CFAP54: variants seen among roughly 807,000 people sequenced by gnomAD.
CFAP54 encodes the protein cilia- and flagella-associated protein 54.
A neutral mutation model predicts 370.4 loss-of-function variants in CFAP54; 290 were observed. That is an observed-to-expected ratio of 0.78 (90% CI 0.71 to 0.86). The LOEUF (loss-of-function observed/expected upper bound fraction) is 0.86. Ranked by LOEUF, CFAP54 falls within the 40% of genes least tolerant of loss-of-function variation. The pLI, the probability that CFAP54 is intolerant of heterozygous loss-of-function variation, is 0.00. For synonymous variants in CFAP54, 1,206 were observed against 1,236.5 expected (o/e 0.98, Z 0.52); for missense variants, 3,399 against 3,528.7 (o/e 0.96, Z 0.93).
intron 46 of CFAP54, among the ~76,000 whole-genome samples, chr12:96,701,136 A>G (rs1957487323): frequency 6.6e-6 from 1 of 152,136 alleles, no homozygotes; most frequent in Non-Finnish European, 1.5e-5. Context: ...ATGTATGTGC[A>G]TGAGTATGTA....
At chr12:96,490,893 A>G (rs141010713) in intron 1 of CFAP54, among the ~76,000 whole-genome samples, 69 of 152,148 alleles carry the variant, frequency 4.5e-4, no homozygotes, top group African/African-American at 1.6e-3. Context: ...TATGTAAGTA[A>G]ATAATCTTAC....
chr12:96,833,744 A>G (rs1959177878), intron 66 of CFAP54, among the ~76,000 whole-genome samples: 1 of 152,180 alleles, frequency 6.6e-6, no homozygotes, highest in African/African-American at 2.4e-5. Context: ...CAGACCTAGC[A>G]TAGTGCCTGA....
chr12:96,560,337 C>T (rs910199945), intron 17 of CFAP54, among the ~76,000 whole-genome samples: 1 of 152,154 alleles, frequency 6.6e-6, no homozygotes, highest in Non-Finnish European at 1.5e-5. Context: ...ATGAGGTAAA[C>T]TATTTTTTTT....
At chr12:96,548,555 G>A (rs2136395007) in intron 15 of CFAP54, among the ~76,000 whole-genome samples, 1 of 152,282 alleles carries the variant, frequency 6.6e-6, no homozygotes, top group East Asian at 1.9e-4. Flanking sequence ...GGAGGACTGT[G>A]GGGTCGTTCT....
chr12:96,640,304 A>G (rs1009289971), intron 32 of CFAP54, among the ~76,000 whole-genome samples: 1 of 152,228 alleles, frequency 6.6e-6, no homozygotes, highest in Non-Finnish European at 1.5e-5. Flanking sequence ...CAGCCAAATC[A>G]TGAGTGAACT....
intron 50 of CFAP54, among the ~76,000 whole-genome samples, chr12:96,737,044 C>G (rs1029940067): frequency 6.6e-6 from 1 of 152,128 alleles, no homozygotes; most frequent in African/African-American, 2.4e-5. Context: ...TAATAGTACA[C>G]GTTGAGTATC....
chr12:96,551,942 C>G (rs1357631556), intron 15 of CFAP54, among the ~76,000 whole-genome samples: 10 of 152,054 alleles, frequency 6.6e-5, no homozygotes, highest in Admixed American at 5.9e-4. Context: ...GGTGTAAGTA[C>G]TGTAAAGAAA....
intron 60 of CFAP54, among the ~76,000 whole-genome samples, chr12:96,773,707 G>A (rs1958486926): frequency 6.6e-6 from 1 of 151,714 alleles, no homozygotes; most frequent in Non-Finnish European, 1.5e-5. Flanking sequence ...GCTTTTTTAT[G>A]GCTGTATAAT....
rs373752504 is a variant in CFAP54 at position 96,743,745 on chromosome 12, G to T, written c.7392G>T (p.Leu2464Phe). The T allele has an allele frequency of 6.2e-7, 1 of 1,604,470 alleles. No individual in the cohort carries two copies. The highest frequency in any genetic ancestry group is 8.5e-7 in the Non-Finnish European group (1 of 1,176,560). Reference protein sequence around the residue: ...IMTNLQDIIHLLEGNEFISPQ... With the variant: ...IMTNLQDIIHFLEGNEFISPQ... ...TATTTTAATAGGATATAATACATTT[G>T]CTGGAAGGAAATGAATTTATTTCTC... Residue 2464 changes from leucine to phenylalanine, a missense_variant, in exon 54 of 68, where the codon TTG becomes TTT. Coordinates refer to ENST00000524981, the MANE Select transcript of CFAP54 (RefSeq NM_001306084.2).
At chr12:96,491,597 G>A (rs1002381949) in intron 1 of CFAP54, among the ~76,000 whole-genome samples, 5 of 152,078 alleles carry the variant, frequency 3.3e-5, no homozygotes, top group African/African-American at 1.2e-4. Flanking sequence ...AAGGAGGAGG[G>A]GCCAGTGGAA....
chr12:96,601,914 G>T (rs1475163465), intron 26 of CFAP54, among the ~76,000 whole-genome samples: 1 of 152,064 alleles, frequency 6.6e-6, no homozygotes, highest in Non-Finnish European at 1.5e-5. Flanking sequence ...CGAGCTCCTG[G>T]ATTCATTGAT....
At chr12:96,664,699 ATATATATATATATATCTATATATATC>A (rs1957043647) in intron 39 of CFAP54, among the ~76,000 whole-genome samples, 1 of 8,220 alleles carries the variant, frequency 1.2e-4, no homozygotes, top group African/African-American at 4.9e-4. Context: ...GTATATATCT[ATATATATATATATATCTATATATATC>A]TATATATATA....
chr12:96,508,607 T>TTA (rs578212235), intron 4 of CFAP54, among the ~76,000 whole-genome samples: 238 of 149,016 alleles, frequency 1.6e-3, no homozygotes, highest in African/African-American at 4.4e-3. Context: ...TTTTTTTTTT[T>TTA]AAAAGATTAT....
At position 96,647,069 on chromosome 12, in the gene CFAP54, T is replaced by TA. The variant is rs1490819480; in HGVS notation, c.4548-806_4548-805insA. 3.9e-5 allele frequency: 6 copies of TA among 152,190 alleles called. No homozygotes were observed. In the South Asian group the frequency reaches 6.2e-4, roughly 16 times the overall value. The allele number at this position is 152,190 out of a possible 1,614,324, so 9.4% of individuals were successfully genotyped here. On this transcript the variant is annotated intron_variant, in intron 33 of 67. Coordinates refer to ENST00000524981, the MANE Select transcript of CFAP54 (RefSeq NM_001306084.2). ...TATACGTATGTAACAAACCTGCACA[T>TA]TGTGCACATGTACCCTAAAACTTAA...
At chr12:96,555,050 A>C (rs1955737947) in intron 17 of CFAP54, 2 of 275,264 alleles carry the variant, frequency 7.3e-6, no homozygotes, top group East Asian at 1.4e-4. Flanking sequence ...TGTTATAGTA[A>C]ATTATTTTTT....
intron 1 of CFAP54, among the ~76,000 whole-genome samples, chr12:96,494,858 C>G (rs970712549): frequency 1.3e-5 from 2 of 152,002 alleles, no homozygotes; most frequent in Non-Finnish European, 2.9e-5. Context: ...TCCCAAGTAG[C>G]TGGGACTACA....
intron 67 of CFAP54, among the ~76,000 whole-genome samples, chr12:96,864,504 T>C (rs1001100471): frequency 2.0e-5 from 3 of 152,184 alleles, no homozygotes; most frequent in African/African-American, 7.2e-5. Context: ...GTCACAGAAC[T>C]GCAGGAGGGA....
At chr12:96,812,727 C>T (rs1447824347) in intron 64 of CFAP54, among the ~76,000 whole-genome samples, 1 of 152,184 alleles carries the variant, frequency 6.6e-6, no homozygotes, top group Non-Finnish European at 1.5e-5. Context: ...CTCTGTCCTT[C>T]CTTTGAGAGT....
chr12:96,763,568 C>T (rs1009516468), intron 58 of CFAP54, among the ~76,000 whole-genome samples: 3 of 152,102 alleles, frequency 2.0e-5, no homozygotes, highest in Non-Finnish European at 2.9e-5. Flanking sequence ...CACCTGAGCT[C>T]AGGAGATCAA....
Sources: gnomAD v4.1 joint callset for allele counts (sites outside exome capture counted in the v4.1 genomes callset) on GRCh38, gnomAD v4.1.1 for gene constraint, MANE v1.5 for transcripts, NCBI Gene and HGNC (gene_info 2026-07-23, HGNC 2026-07-21) for gene names.